Variants in CSF3 observed in about 807,000 individuals in gnomAD.
CSF3 encodes the protein granulocyte colony-stimulating factor.
A neutral mutation model predicts 20.2 loss-of-function variants in CSF3; 17 were observed. The ratio of observed to expected loss-of-function variants is 0.84; its 90% CI spans 0.58 to 1.26. CSF3 has a LOEUF of 1.26. Among genes scored for constraint, CSF3 ranks in the 50% most tolerant of loss-of-function variants. The probability of loss-of-function intolerance (pLI) is 0.00; values close to 1 mark genes in which losing one functional copy is unlikely to be tolerated. For synonymous variants in CSF3, 125 were observed against 115.3 expected (o/e 1.08, Z -0.54); for missense variants, 210 against 256.0 (o/e 0.82, Z 1.23).
chr17:40,017,031 A>G lies in CSF3; in HGVS notation c.*72A>G, dbSNP rs949592568. On this transcript the variant is annotated 3_prime_UTR_variant, in exon 5 of 5. Transcript: ENST00000394149. ...GTCTATTTAAGCCTCATATTTAAAG[A>G]CAGGGAAGAGCAGAACGGAGCCCCA... is the stretch of plus-strand genomic sequence containing the variant. 25 of 1,416,778 alleles carry G rather than the reference A, an allele frequency of 1.8e-5. No individual in the cohort carries two copies. Among genetic ancestry groups the G allele is most frequent in the African/African-American group, 1.3e-4 (9 of 68,564 alleles). The allele number at this position is 1,416,778 out of a possible 1,614,324, so 87.8% of individuals were successfully genotyped here.
chr17:40,016,151 A>G, intron 2 of CSF3, 82 bp from the exon 3 acceptor site: 1 of 1,107,346 alleles, frequency 9.0e-7, no homozygotes, highest in Non-Finnish European at 1.3e-6. Flanking sequence ...AGGGAGGGGA[A>G]AGACCAGAGA....
intron 2 of CSF3, 78 bp from the exon 3 acceptor site, chr17:40,016,155 C>A (rs1017124283): frequency 7.8e-6 from 9 of 1,148,778 alleles, no homozygotes; most frequent in Non-Finnish European, 1.1e-5. Flanking sequence ...AGGGGAAAGA[C>A]CAGAGAGTCG....
intron 2 of CSF3, 179 bp downstream of exon 2, chr17:40,016,024 G>T (rs2227326): frequency 3.9e-6 from 4 of 1,013,574 alleles, no homozygotes; most frequent in Non-Finnish European, 5.6e-6. Context: ...GTGCTCGGGA[G>T]GGCTGGCTGG....
At chr17:40,016,185 C>T (rs1568147166) in intron 2 of CSF3, 48 bp from the exon 3 acceptor site, 8 of 1,404,070 alleles carry the variant, frequency 5.7e-6, no homozygotes, top group East Asian at 2.5e-5. Flanking sequence ...CGGGAAGGAG[C>T]GGCGACCCGG....
intron 4 of CSF3, 71 bp from the exon 5 acceptor site, chr17:40,016,724 C>G (rs1394147905): frequency 1.2e-6 from 2 of 1,611,778 alleles, no homozygotes; most frequent in Non-Finnish European, 1.7e-6. Flanking sequence ...GCTGTCACCC[C>G]CAGCATTTCC....
At position 40,015,743 on chromosome 17, in the gene CSF3, C is replaced by T; in HGVS notation, c.93C>T (p.Thr31=). The change falls in exon 2 of 5, where the codon ACC becomes ACT. Residue 31 remains threonine, a synonymous_variant. Transcript: ENST00000394149. ...CACTCTGGACAGTGCAGGAAGCCACCCCCCTGGGCCCTGCCAGCTCCCTGC... is the reference window on the plus strand; with the variant it reads ...CACTCTGGACAGTGCAGGAAGCCACTCCCCTGGGCCCTGCCAGCTCCCTGC... ...HSALWTVQEA[T]PLGPASSLPQ... 1 of 1,598,830 alleles carries T rather than the reference C, an allele frequency of 6.3e-7. No homozygotes were observed. Among genetic ancestry groups the T allele is most frequent in the Non-Finnish European group, 8.5e-7 (1 of 1,172,256 alleles).
chr17:40,016,562 C>T lies in CSF3; in HGVS notation c.381C>T (p.Pro127=), dbSNP rs139012113. ...TGCAGGCCCTGGAAGGGATCTCCCC[C>T]GAGTTGGGTCCCACCTTGGACACAC... ...GLLQALEGIS[P]ELGPTLDTLQ... Residue 127 remains proline, a synonymous_variant, in exon 4 of 5, where the codon CCC becomes CCT. Coordinates refer to ENST00000394149, the MANE Select transcript of CSF3 (RefSeq NM_172219.3). 2.0e-5 allele frequency: 32 copies of T among 1,614,084 alleles called. No homozygotes were observed. In the African/African-American group the frequency reaches 2.9e-4, roughly 15 times the overall value.
Position 40,016,263 on chromosome 17 carries a change from G to T in CSF3, c.226G>T (p.Glu76Ter), listed in dbSNP as rs1981378364. Residue 76 changes from glutamate to a stop codon, truncating the protein, a stop_gained, in exon 3 of 5, where the codon GAG becomes TAG. Transcript: ENST00000394149. LOFTEE classifies it high-confidence loss of function. ...CATYKLCHPEELVLLGHSLGI... is the reference protein window; with the variant it reads ...CATYKLCHPE ...CACCTACAAGCTGTGCCACCCCGAG[G>T]AGCTGGTGCTGCTCGGACACTCTCT... 1 of 1,573,324 alleles carries T rather than the reference G, an allele frequency of 6.4e-7. No homozygotes were observed. Among genetic ancestry groups the T allele is most frequent in the African/African-American group, 1.4e-5 (1 of 73,672 alleles).
chr17:40,015,888 G>C (rs377023343), intron 2 of CSF3, 43 bp downstream of exon 2: 2 of 1,576,026 alleles, frequency 1.3e-6, no homozygotes, highest in Non-Finnish European at 1.7e-6. Flanking sequence ...AAGCCCGGTG[G>C]GGAGAGCTAA....
Position 40,016,315 on chromosome 17 carries a change from G to C in CSF3, c.278G>C (p.Ser93Thr). 6.2e-7 allele frequency: 1 copy of C among 1,611,146 alleles called. No individual in the cohort carries two copies. Among genetic ancestry groups the C allele is most frequent in the East Asian group, 2.2e-5 (1 of 44,780 alleles). Residue 93 changes from serine to threonine, a missense_variant, in exon 3 of 5, where the codon AGC becomes ACC. By Grantham distance (58) the Ser-to-Thr change is moderately conservative. Transcript: ENST00000394149. ...GGCATCCCCTGGGCTCCCCTGAGCA[G>C]CTGCCCCAGCCAGGCCCTGCAGCTG... is the stretch of plus-strand genomic sequence containing the variant. The part of the protein sequence containing the change: ...SLGIPWAPLS[S>T]CPSQALQLAG...
At chr17:40,016,365 T>C in intron 3 of CSF3, 25 bp downstream of exon 3, 3 of 1,609,556 alleles carry the variant, frequency 1.9e-6, no homozygotes, top group Non-Finnish European at 2.5e-6. Flanking sequence ...AGGATAAGGC[T>C]AATGAGGAGG....
At chr17:40,016,096 G>T in intron 2 of CSF3, 137 bp from the exon 3 acceptor site, 1 of 812,646 alleles carries the variant, frequency 1.2e-6, no homozygotes, top group South Asian at 1.8e-5. Flanking sequence ...ATCAGAGAGT[G>T]GGGGTGCAGG....
chr17:40,017,539 C>T lies in CSF3; in HGVS notation c.*580C>T, dbSNP rs1042657. On this transcript the variant is annotated 3_prime_UTR_variant, in exon 5 of 5. Transcript: ENST00000394149. The stretch of plus-strand genomic sequence containing the variant: ...GTTTGACTCCCGAACATCACCGACG[C>T]GTCTCCTGTTTTTCTGGGTGGCCTC... 140,143 of 152,402 alleles carry T rather than the reference C, an allele frequency of 0.92. 64,529 individuals are homozygous for T. The highest frequency in any genetic ancestry group is 0.96 in the Middle Eastern group (283 of 294). The allele number at this position is 152,402 out of a possible 1,614,324, so 9.4% of individuals were successfully genotyped here.
rs890359690 is a variant in CSF3 at position 40,017,355 on chromosome 17, C to T, written c.*396C>T. The T allele has an allele frequency of 5.8e-5, 9 of 155,908 alleles. No homozygotes were observed. Among genetic ancestry groups the T allele is most frequent in the African/African-American group, 2.2e-4 (9 of 41,508 alleles). The allele number at this position is 155,908 out of a possible 1,614,324, so 9.7% of individuals were successfully genotyped here. A position where few individuals can be genotyped will look rare whatever the true frequency, so the allele number is the denominator to read the frequency against. Reference sequence around the variant, plus strand: ...TGTTCCCCATCTGGGTCCTTGCACCCCTCACTCTGGCCTCAGCCGACTGCA... The same window carrying T: ...TGTTCCCCATCTGGGTCCTTGCACCTCTCACTCTGGCCTCAGCCGACTGCA... On this transcript the variant is annotated 3_prime_UTR_variant, in exon 5 of 5. Transcript: ENST00000394149.
Position 40,015,672 on chromosome 17 carries a change from G to T in CSF3, c.41-19G>T. On this transcript the variant is annotated intron_variant, in intron 1 of 4. Coordinates refer to ENST00000394149, the MANE Select transcript of CSF3 (RefSeq NM_172219.3). ...GGTGGTAGGGAACAGCATGTCTCCT[G>T]AGCCCGCTCTGTCCCCAGCCCTGCA... 6.4e-7 allele frequency: 1 copy of T among 1,569,362 alleles called. No homozygotes were observed. Among genetic ancestry groups the T allele is most frequent in the Non-Finnish European group, 8.7e-7 (1 of 1,154,736 alleles).
At chr17:40,016,443 A>G (rs775861491) in intron 3 of CSF3, 42 bp from the exon 4 acceptor site, 1 of 1,611,270 alleles carries the variant, frequency 6.2e-7, no homozygotes, top group African/African-American at 1.3e-5. Context: ...GGCCTGACGT[A>G]TCTCAGGCAG....
rs138198725 is a variant in CSF3 at position 40,016,194 on chromosome 17, G to A, written c.196-39G>A. The A allele has an allele frequency of 7.4e-3, 10,784 of 1,462,240 alleles. 1,554 individuals carry two copies. The Admixed American group carries it at 0.23, about 31-fold the overall frequency. The allele number at this position is 1,462,240 out of a possible 1,614,324, so 90.6% of individuals were successfully genotyped here. Reference sequence around the variant, plus strand: ...AGGACCCGGGAAGGAGCGGCGACCCGGCCATGGCGAGTCTCACTCAGCATC... The same window carrying A: ...AGGACCCGGGAAGGAGCGGCGACCCAGCCATGGCGAGTCTCACTCAGCATC... On this transcript the variant is annotated intron_variant, in intron 2 of 4. Transcript: ENST00000394149.
At position 40,017,022 on chromosome 17, in the gene CSF3, T is replaced by C. The variant is rs982751221; in HGVS notation, c.*63T>C. The C allele has an allele frequency of 1.5e-5, 21 of 1,447,900 alleles. No individual in the cohort carries two copies. The highest frequency in any genetic ancestry group is 1.9e-5 in the Non-Finnish European group (21 of 1,089,264). 89.7% of individuals were successfully genotyped at this position (1,447,900 alleles called of 1,614,324 possible). On this transcript the variant is annotated 3_prime_UTR_variant, in exon 5 of 5. Transcript: ENST00000394149. ...AATATTTATGTCTATTTAAGCCTCATATTTAAAGACAGGGAAGAGCAGAAC... is the reference window on the plus strand; with the variant it reads ...AATATTTATGTCTATTTAAGCCTCACATTTAAAGACAGGGAAGAGCAGAAC...
chr17:40,016,324 G>A lies in CSF3; in HGVS notation c.287G>A (p.Ser96Asn), dbSNP rs1981383656. 1 of 1,611,950 alleles carries A rather than the reference G, an allele frequency of 6.2e-7. No homozygotes were observed. Among genetic ancestry groups the A allele is most frequent in the South Asian group, 1.1e-5 (1 of 90,870 alleles). ...IPWAPLSSCP[S>N]QALQLAGCLS... ...TGGGCTCCCCTGAGCAGCTGCCCCA[G>A]CCAGGCCCTGCAGCTGGTGAGTGTC... The change falls in exon 3 of 5, where the codon AGC (serine) becomes AAC (asparagine). Residue 96 changes from serine to asparagine, a missense_variant. Transcript: ENST00000394149.
Sources: allele counts gnomAD v4.1 joint callset, GRCh38; gene constraint gnomAD v4.1.1; transcripts MANE v1.5; gene names NCBI Gene and HGNC (gene_info 2026-07-23, HGNC 2026-07-21).